Variants in ZSCAN5A observed in about 807,000 individuals in gnomAD.
ZSCAN5A encodes the protein zinc finger and SCAN domain containing 5A.
A neutral mutation model predicts 23.7 loss-of-function variants in ZSCAN5A; 12 were observed. The ratio of observed to expected loss-of-function variants is 0.51; its 90% CI spans 0.32 to 0.82. The LOEUF (loss-of-function observed/expected upper bound fraction) is 0.82, where lower values mean the gene tolerates loss of function less well. Ranked by LOEUF, ZSCAN5A falls within the 40% of genes least tolerant of loss-of-function variation. The probability of loss-of-function intolerance (pLI) is 0.03; values close to 1 mark genes in which losing one functional copy is unlikely to be tolerated. For missense variants in ZSCAN5A, 597 were observed against 617.9 expected (o/e 0.97, Z 0.36); for synonymous variants, 257 against 239.9 (o/e 1.07, Z -0.66).
intron 2 of ZSCAN5A, chr19:56,302,245 C>T (rs2040287340): frequency 4.6e-6 from 2 of 433,936 alleles, no homozygotes; most frequent in Admixed American, 8.8e-5. Flanking sequence ...TCTCTTCTTC[C>T]CACTCTCCCA....
chr19:56,320,175 G>A (rs1190834430), intron 2 of ZSCAN5A: 11 of 695,584 alleles, frequency 1.6e-5, no homozygotes, highest in Non-Finnish European at 2.7e-5. Flanking sequence ...CTTCCTGGTT[G>A]TTTCAAGTTG....
chr19:56,345,081 G>A (rs1448514307), intron 2 of ZSCAN5A, among the ~76,000 whole-genome samples: 2 of 151,892 alleles, frequency 1.3e-5, no homozygotes, highest in Non-Finnish European at 2.9e-5. Flanking sequence ...AATCCAGCCT[G>A]GGCAACAGAG....
At chr19:56,286,325 TTTTA>T (rs2039121702) in intron 2 of ZSCAN5A, 1 of 152,080 alleles carries the variant, frequency 6.6e-6, no homozygotes, top group African/African-American at 2.4e-5. Flanking sequence ...GACCCAAACT[TTTTA>T]TTTTTGATAA....
At chr19:56,266,491 C>CA (rs758270302) in intron 2 of ZSCAN5A, 1 of 96,176 alleles carries the variant, frequency 1.0e-5, no homozygotes, top group Non-Finnish European at 2.1e-5. Context: ...GAGATGCCCC[C>CA]ACTTTTTTTT....
At chr19:56,335,694 A>G (rs1239284092) in intron 2 of ZSCAN5A, among the ~76,000 whole-genome samples, 2 of 152,172 alleles carry the variant, frequency 1.3e-5, no homozygotes, top group East Asian at 1.9e-4. Flanking sequence ...GGTCTTTACA[A>G]TTTGGCTTGT....
intron 1 of ZSCAN5A, among the ~76,000 whole-genome samples, chr19:56,364,753 G>A (rs2041754736): frequency 6.6e-6 from 1 of 152,156 alleles, no homozygotes; most frequent in South Asian, 2.1e-4. Flanking sequence ...AACTGTTGAC[G>A]TATACCCTAC....
chr19:56,324,404 T>A (rs1411864633), intron 2 of ZSCAN5A, among the ~76,000 whole-genome samples: 1 of 152,170 alleles, frequency 6.6e-6, no homozygotes, highest in East Asian at 1.9e-4. Flanking sequence ...CATCAGCACA[T>A]CAGGGAAATG....
At chr19:56,248,654 A>T (rs2036125911) in intron 2 of ZSCAN5A, among the ~76,000 whole-genome samples, 1 of 152,126 alleles carries the variant, frequency 6.6e-6, no homozygotes, top group Non-Finnish European at 1.5e-5. Flanking sequence ...GCTGGTCTCA[A>T]AGTCCTGGCC....
intron 2 of ZSCAN5A, among the ~76,000 whole-genome samples, chr19:56,259,709 C>A (rs555477448): frequency 4.6e-5 from 7 of 152,356 alleles, no homozygotes; most frequent in African/African-American, 1.7e-4. Flanking sequence ...CACGGTGGCC[C>A]ACGCCTGTCA....
intron 2 of ZSCAN5A, among the ~76,000 whole-genome samples, chr19:56,243,889 A>G (rs971269503): frequency 1.3e-5 from 2 of 152,008 alleles, no homozygotes; most frequent in African/African-American, 2.4e-5. Context: ...TAGACTAGAA[A>G]CTTTGATCGG....
At chr19:56,337,389 G>A (rs1208838711) in intron 2 of ZSCAN5A, among the ~76,000 whole-genome samples, 2 of 152,204 alleles carry the variant, frequency 1.3e-5, no homozygotes, top group Admixed American at 1.3e-4. Flanking sequence ...AGCCATGTGT[G>A]GGATATAATC....
At chr19:56,243,355 T>C (rs571364187) in intron 2 of ZSCAN5A, among the ~76,000 whole-genome samples, 1 of 152,290 alleles carries the variant, frequency 6.6e-6, no homozygotes, top group African/African-American at 2.4e-5. Context: ...CACTTCAAGA[T>C]GGTAAAAATG....
chr19:56,288,686 T>C (rs1201302924), intron 2 of ZSCAN5A, among the ~76,000 whole-genome samples: 2 of 152,168 alleles, frequency 1.3e-5, no homozygotes, highest in Non-Finnish European at 2.9e-5. Context: ...AGTGCTTAAG[T>C]CTGTGTCTTC....
chr19:56,257,181 G>C (rs919308545), intron 2 of ZSCAN5A, among the ~76,000 whole-genome samples: 1 of 152,216 alleles, frequency 6.6e-6, no homozygotes, highest in Non-Finnish European at 1.5e-5. Context: ...TGCAGAAGGA[G>C]TGATGGCAGG....
chr19:56,289,468 G>T lies in ZSCAN5A; in HGVS notation c.-128+23815C>A, dbSNP rs544895733. Among the ~76,000 whole-genome samples, 19 of 152,250 alleles carry T rather than the reference G, an allele frequency of 1.2e-4. No individual in the cohort carries two copies. In the South Asian group the frequency reaches 1.5e-3, roughly 12 times the overall value. On this transcript the variant is annotated intron_variant, in intron 2 of 5. Coordinates refer to ENST00000683990, the MANE Select transcript of ZSCAN5A (RefSeq NM_001322064.3). Reference sequence around the variant, plus strand: ...ACAGACGTATTTATACTCTAGTTCGGGTAAGACGGAGAGAGACCCCTCTTC... The same window carrying T: ...ACAGACGTATTTATACTCTAGTTCGTGTAAGACGGAGAGAGACCCCTCTTC...
intron 2 of ZSCAN5A, among the ~76,000 whole-genome samples, chr19:56,348,689 C>A (rs368059189): frequency 6.6e-6 from 1 of 152,302 alleles, no homozygotes; most frequent in South Asian, 2.1e-4. Context: ...CATTTTCTTA[C>A]CACTAATGGA....
At chr19:56,274,214 G>A (rs2038074951) in intron 2 of ZSCAN5A, among the ~76,000 whole-genome samples, 1 of 152,122 alleles carries the variant, frequency 6.6e-6, no homozygotes, top group African/African-American at 2.4e-5. Context: ...AGCACTTTGG[G>A]AAGCCAAGGC....
At chr19:56,238,850 T>G (rs3972668) in intron 2 of ZSCAN5A, among the ~76,000 whole-genome samples, 1 of 146,470 alleles carries the variant, frequency 6.8e-6, no homozygotes, top group East Asian at 2.0e-4. Flanking sequence ...GGACATTCCT[T>G]ATGAGAACAT....
chr19:56,302,371 TTCC>T lies in ZSCAN5A; in HGVS notation c.-128+10909_-128+10911del, dbSNP rs1339746805. Reference sequence around the variant, plus strand: ...CTTCCTTTTTTCTTCCCTCCCTTACTTCCTCCTTCTCTCTCCTCCCTCCCTATT... The same window carrying T: ...CTTCCTTTTTTCTTCCCTCCCTTACTTCCTTCTCTCTCCTCCCTCCCTATT... On this transcript the variant is annotated intron_variant, in intron 2 of 5. Transcript: ENST00000683990. Among the ~76,000 whole-genome samples, 6 of 137,996 alleles carry T rather than the reference TTCC, an allele frequency of 4.3e-5. No individual in the cohort carries two copies. In the East Asian group the frequency reaches 1.5e-3, roughly 35 times the overall value. 90.5% of individuals were successfully genotyped at this position (137,996 alleles called of 152,430 possible). A position where few individuals can be genotyped will look rare whatever the true frequency, so the allele number is the denominator to read the frequency against.
Sources: gnomAD v4.1 joint callset for allele counts (sites outside exome capture counted in the v4.1 genomes callset) on GRCh38, gnomAD v4.1.1 for gene constraint, MANE v1.5 for transcripts, NCBI Gene and HGNC (gene_info 2026-07-23, HGNC 2026-07-21) for gene names.